The following RIC1 variants were observed in gnomAD, a reference collection of about 807,000 sequenced individuals.
RIC1 encodes the protein guanine nucleotide exchange factor subunit RIC1.
A neutral mutation model predicts 169.0 loss-of-function variants in RIC1; 88 were observed. That is an observed-to-expected ratio of 0.52 (90% CI 0.44 to 0.62). The LOEUF is 0.62. RIC1 is among the 20% of genes least tolerant of loss of function. The pLI is 0.00. For synonymous variants in RIC1, 790 were observed against 601.5 expected, an observed-to-expected ratio of 1.31 and a Z score of -4.59; for missense variants, 1,877 against 1,725.5, an observed-to-expected ratio of 1.09 and a Z score of -1.56.
chr9:5,631,337 T>G (rs1817704984), intron 1 of RIC1, among the ~76,000 whole-genome samples: 1 of 152,060 alleles, frequency 6.6e-6, no homozygotes, highest in African/African-American at 2.4e-5. Flanking sequence ...AGGGAACCCA[T>G]GGGTTTAGAG....
At chr9:5,641,312 C>T (rs754030864) in intron 1 of RIC1, among the ~76,000 whole-genome samples, 1 of 151,952 alleles carries the variant, frequency 6.6e-6, no homozygotes, top group Non-Finnish European at 1.5e-5. Flanking sequence ...AGGATGGTCT[C>T]GATCTCCTGA....
At chr9:5,749,312 C>G (rs535347883) in intron 12 of RIC1, among the ~76,000 whole-genome samples, 1 of 152,218 alleles carries the variant, frequency 6.6e-6, no homozygotes, top group South Asian at 2.1e-4. Flanking sequence ...TTCGCTGGCA[C>G]TCCAGCTACA....
intron 23 of RIC1, 72 bp downstream of exon 23, chr9:5,770,350 T>G (rs948298741): frequency 6.5e-6 from 8 of 1,231,762 alleles, no homozygotes; most frequent in Non-Finnish European, 8.0e-6. Context: ...ACTTCAGAGA[T>G]AGACCTTCAT....
chr9:5,698,800 T>C (rs957689879), intron 3 of RIC1, among the ~76,000 whole-genome samples: 6 of 152,230 alleles, frequency 3.9e-5, no homozygotes, highest in Non-Finnish European at 7.3e-5. Context: ...GTTGTCTAGG[T>C]TGCCTTCTGA....
Position 5,756,327 on chromosome 9 carries a change from C to G in RIC1, c.1808C>G (p.Ala603Gly), listed in dbSNP as rs200919699. The change falls in exon 16 of 26, where the codon GCA (alanine) becomes GGA (glycine). Residue 603 changes from alanine to glycine, a missense_variant. Physicochemically the swap from Ala to Gly is moderately conservative, Grantham distance 60. Around this residue, in one of 3 missense-constraint regions of RIC1, gnomAD observed 1,104 missense variants for 992.0 expected, o/e 1.11. Coordinates refer to ENST00000414202, the MANE Select transcript of RIC1 (RefSeq NM_020829.4). ...CAGGACATGGTAATAGTATTTAGAG[C>G]AGACTGTTCAATATGCCTTTACAGT... ...VFQDMVIVFR[A>G]DCSICLYSIE... The G allele has an allele frequency of 1.9e-4, 300 of 1,577,026 alleles. 5 individuals carry two copies. The South Asian group carries it at 3.2e-3, about 17-fold the overall frequency.
At chr9:5,684,273 C>T (rs545692592) in intron 2 of RIC1, among the ~76,000 whole-genome samples, 3 of 3,520 alleles carry the variant, frequency 8.5e-4, no homozygotes, top group African/African-American at 2.1e-3. Flanking sequence ...ATCTTGGCTC[C>T]ACCCCCCCCC....
intron 17 of RIC1, 105 bp from the exon 18 acceptor site, chr9:5,762,436 A>G (rs1826398965): frequency 1.2e-5 from 17 of 1,378,898 alleles, no homozygotes; most frequent in Non-Finnish European, 1.6e-5. Context: ...CAACCTCAAT[A>G]AATAATGTAG....
chr9:5,764,455 T>C (rs1826554189), intron 19 of RIC1, among the ~76,000 whole-genome samples: 1 of 152,242 alleles, frequency 6.6e-6, no homozygotes, highest in Non-Finnish European at 1.5e-5. Flanking sequence ...TGAAAATTTA[T>C]TTCATTAGCT....
intron 3 of RIC1, among the ~76,000 whole-genome samples, chr9:5,708,702 G>C (rs964139904): frequency 6.6e-6 from 1 of 151,978 alleles, no homozygotes; most frequent in African/African-American, 2.4e-5. Flanking sequence ...TTGACAGTTT[G>C]AACATGATGT....
intron 2 of RIC1, among the ~76,000 whole-genome samples, chr9:5,677,313 T>G (rs1479457425): frequency 6.6e-6 from 1 of 152,230 alleles, no homozygotes. Context: ...TTATTTGTTA[T>G]GTGTGTGTCT....
Position 5,756,275 on chromosome 9 carries a change from G to A in RIC1, c.1756G>A (p.Ala586Thr), listed in dbSNP as rs749252519. The change falls in exon 16 of 26, where the codon GCA becomes ACA. Residue 586 changes from alanine (A) to threonine (T), a missense_variant. Around this residue, in one of 3 missense-constraint regions of RIC1, gnomAD observed 1,104 missense variants for 992.0 expected, o/e 1.11. Transcript: ENST00000414202. ...NAFAHVTKAQ[A>T]ETLLLSVFQD... Reference sequence around the variant, plus strand: ...CTTTGCTCATGTCACCAAAGCACAAGCAGAAACATTACTGCTTAGTGTCTT... The same window carrying A: ...CTTTGCTCATGTCACCAAAGCACAAACAGAAACATTACTGCTTAGTGTCTT... 4.6e-5 allele frequency: 74 copies of A among 1,605,512 alleles called. No individual in the cohort carries two copies. In the Admixed American group the frequency reaches 1.2e-3, roughly 27 times the overall value.
intron 2 of RIC1, among the ~76,000 whole-genome samples, chr9:5,674,654 T>G (rs1820334305): frequency 6.6e-6 from 1 of 152,200 alleles, no homozygotes; most frequent in Non-Finnish European, 1.5e-5. Flanking sequence ...CACCATATCT[T>G]ATGTAAAGTG....
rs114379594 is a variant in RIC1, at chr9:5,708,582, C to G, written c.333-5314C>G. 5.1e-3 allele frequency among the ~76,000 whole-genome samples: 772 copies of G among 152,212 alleles called. 8 individuals carry two copies. The highest frequency in any genetic ancestry group is 0.018 in the African/African-American group (733 of 41,548). On this transcript the variant is annotated intron_variant, in intron 3 of 25. Coordinates refer to ENST00000414202, the MANE Select transcript of RIC1 (RefSeq NM_020829.4). ...TTGAAATATGTCATCCCACTGTTCT[C>G]TGGCCTCCATGGTTTCCTATGAAAA...
At chr9:5,760,577 T>C (rs1826265142) in intron 17 of RIC1, among the ~76,000 whole-genome samples, 1 of 152,222 alleles carries the variant, frequency 6.6e-6, no homozygotes, top group Non-Finnish European at 1.5e-5. Context: ...GCTGTTTTGC[T>C]GCAGGTGTTT....
Position 5,745,898 on chromosome 9 carries a change from C to G in RIC1, c.1096-33C>G, listed in dbSNP as rs772946980. 2.5e-6 allele frequency: 4 copies of G among 1,584,704 alleles called. 1 individual carries two copies. The highest frequency in any genetic ancestry group is 2.3e-5 in the South Asian group (2 of 88,406). On this transcript the variant is annotated intron_variant, in intron 10 of 25. Transcript: ENST00000414202. ...AGGGATACAAAAGCCTTTTATTGCT[C>G]TGACTTTTTTTCTCCCTCCTCTTCT...
intron 12 of RIC1, among the ~76,000 whole-genome samples, chr9:5,750,810 CCTTTT>C (rs1293181274): frequency 1.3e-5 from 2 of 151,584 alleles, no homozygotes; most frequent in Non-Finnish European, 2.9e-5. Flanking sequence ...TCTGCCATTC[CCTTTT>C]ATCAAGTATT....
intron 2 of RIC1, among the ~76,000 whole-genome samples, chr9:5,659,418 A>C (rs1005765934): frequency 6.6e-6 from 1 of 152,184 alleles, no homozygotes; most frequent in Non-Finnish European, 1.5e-5. Context: ...ACCATAAGTA[A>C]AAAATTTAAC....
intron 17 of RIC1, 90 bp from the exon 18 acceptor site, chr9:5,762,451 T>TG: frequency 6.8e-7 from 1 of 1,462,500 alleles, no homozygotes; most frequent in Non-Finnish European, 9.4e-7. Context: ...ATGTAGATTG[T>TG]TTGACCTATA....
intron 6 of RIC1, among the ~76,000 whole-genome samples, chr9:5,729,036 C>T (rs927245655): frequency 6.6e-6 from 1 of 152,196 alleles, no homozygotes; most frequent in African/African-American, 2.4e-5. Flanking sequence ...CCCCTCTCCC[C>T]TCTCTGTCTC....
Sources: allele counts gnomAD v4.1 joint callset (sites outside exome capture counted in the v4.1 genomes callset), GRCh38; gene constraint gnomAD v4.1.1; regional missense constraint gnomAD v4.1.1; transcripts MANE v1.5; gene names NCBI Gene and HGNC (gene_info 2026-07-23, HGNC 2026-07-21).